Variants in GRM8 observed in about 807,000 individuals in gnomAD.
GRM8 encodes metabotropic glutamate receptor 8.
GRM8 carries 47 observed loss-of-function variants against 87.2 expected under a neutral mutation model. The observed-to-expected ratio is 0.54, with a 90% CI of 0.43 to 0.69. The LOEUF (loss-of-function observed/expected upper bound fraction) is 0.69. Ranked by LOEUF, GRM8 falls within the 30% of genes least tolerant of loss-of-function variation. The pLI is 0.00. For synonymous variants in GRM8, 396 were observed against 404.5 expected, an observed-to-expected ratio of 0.98 and a Z score of 0.25; for missense variants, 1,019 against 1,139.2, an observed-to-expected ratio of 0.89 and a Z score of 1.52.
intron 7 of GRM8, among the ~76,000 whole-genome samples, chr7:126,728,546 G>T (rs1813257469): frequency 6.6e-6 from 1 of 152,086 alleles, no homozygotes; most frequent in African/African-American, 2.4e-5. Context: ...TCTCAGAAAA[G>T]CAGCATACCC....
intron 7 of GRM8, among the ~76,000 whole-genome samples, chr7:126,753,653 T>C (rs1187178712): frequency 6.6e-6 from 1 of 151,818 alleles, no homozygotes; most frequent in Admixed American, 6.6e-5. Flanking sequence ...AGGTACTTAT[T>C]AGGAGCTTAT....
chr7:126,764,462 T>C (rs982235443), intron 7 of GRM8, among the ~76,000 whole-genome samples: 1 of 152,122 alleles, frequency 6.6e-6, no homozygotes, highest in African/African-American at 2.4e-5. Flanking sequence ...AATGTTAAAC[T>C]ATAATTATTC....
At chr7:127,170,542 C>T (rs1793733868) in intron 2 of GRM8, among the ~76,000 whole-genome samples, 1 of 152,162 alleles carries the variant, frequency 6.6e-6, no homozygotes, top group Non-Finnish European at 1.5e-5. Context: ...CTTTCACATG[C>T]ATGTATACAG....
chr7:126,994,881 A>G lies in GRM8; in HGVS notation c.728-90198T>C, dbSNP rs192930296. ...CCCCACCTACTGATTGTAGATCCCT[A>G]GAATCTTGAGAGAATATAGGTCGTA... On this transcript the variant is annotated intron_variant, in intron 3 of 10. Transcript: ENST00000339582. Among the ~76,000 whole-genome samples, 711 of 152,228 alleles carry G rather than the reference A, an allele frequency of 4.7e-3. 4 individuals carry two copies. Among genetic ancestry groups the G allele is most frequent in the South Asian group, 0.018 (87 of 4,818 alleles).
At chr7:126,965,609 A>G (rs958821528) in intron 3 of GRM8, among the ~76,000 whole-genome samples, 82 of 152,228 alleles carry the variant, frequency 5.4e-4, no homozygotes, top group African/African-American at 1.9e-3. Context: ...TATCACTTTA[A>G]TATGTAATAA....
intron 6 of GRM8, among the ~76,000 whole-genome samples, chr7:126,890,209 T>C (rs887020877): frequency 6.6e-6 from 1 of 152,112 alleles, no homozygotes; most frequent in Non-Finnish European, 1.5e-5. Flanking sequence ...CTCAGAAAGT[T>C]CTATTAGATA....
intron 8 of GRM8, among the ~76,000 whole-genome samples, chr7:126,582,830 G>T (rs1419079785): frequency 1.3e-5 from 2 of 152,066 alleles, no homozygotes; most frequent in South Asian, 2.1e-4. Context: ...CATGTATGTT[G>T]GTTTACAACA....
intron 6 of GRM8, among the ~76,000 whole-genome samples, chr7:126,808,922 C>T (rs888833244): frequency 6.6e-6 from 1 of 152,150 alleles, no homozygotes; most frequent in African/African-American, 2.4e-5. Flanking sequence ...TAACAAATTA[C>T]CACAAACATA....
intron 3 of GRM8, among the ~76,000 whole-genome samples, chr7:126,973,519 A>G (rs913362036): frequency 6.6e-6 from 1 of 152,214 alleles, no homozygotes; most frequent in African/African-American, 2.4e-5. Context: ...GGCAAGAGAG[A>G]AACCAATGAA....
chr7:126,700,908 G>A (rs1431192540), intron 7 of GRM8, among the ~76,000 whole-genome samples: 2 of 151,938 alleles, frequency 1.3e-5, no homozygotes, highest in African/African-American at 4.8e-5. Flanking sequence ...ATTGCATCCT[G>A]ATAAAGAACA....
chr7:127,117,476 T>G (rs1303194452), intron 2 of GRM8, among the ~76,000 whole-genome samples: 1 of 152,194 alleles, frequency 6.6e-6, no homozygotes, highest in Non-Finnish European at 1.5e-5. Context: ...TGGAAAAGTT[T>G]TCAAGCAGTT....
intron 3 of GRM8, among the ~76,000 whole-genome samples, chr7:127,056,484 T>C (rs115720269): frequency 1.3e-3 from 198 of 152,308 alleles, no homozygotes; most frequent in African/African-American, 4.6e-3. Flanking sequence ...AATGATCTAC[T>C]GTCAATGTCT....
intron 7 of GRM8, among the ~76,000 whole-genome samples, chr7:126,742,850 T>C (rs977462295): frequency 6.6e-5 from 10 of 152,128 alleles, no homozygotes; most frequent in African/African-American, 2.2e-4. Flanking sequence ...CACTAGTTAA[T>C]TCTGATGTAT....
intron 2 of GRM8, among the ~76,000 whole-genome samples, chr7:127,107,830 C>T (rs1388263162): frequency 6.6e-6 from 1 of 152,178 alleles, no homozygotes; most frequent in African/African-American, 2.4e-5. Context: ...TCTAGAGAGT[C>T]CTGTTCCCTA....
intron 6 of GRM8, among the ~76,000 whole-genome samples, chr7:126,818,918 A>G (rs1347700597): frequency 6.6e-6 from 1 of 152,140 alleles, no homozygotes; most frequent in East Asian, 1.9e-4. Flanking sequence ...TGGAATATCA[A>G]TCAATTAGGG....
intron 8 of GRM8, among the ~76,000 whole-genome samples, chr7:126,602,491 G>T: frequency 7.3e-6 from 1 of 137,484 alleles, no homozygotes; most frequent in Non-Finnish European, 1.6e-5. Context: ...TAGCTTGATG[G>T]GGATGGCATT....
At chr7:127,138,117 T>C (rs1223808721) in intron 2 of GRM8, among the ~76,000 whole-genome samples, 2 of 152,150 alleles carry the variant, frequency 1.3e-5, no homozygotes, top group Admixed American at 6.5e-5. Context: ...ACAAAGAATG[T>C]TGAAAACAGA....
chr7:126,679,441 C>G (rs2151327810), intron 7 of GRM8, among the ~76,000 whole-genome samples: 1 of 152,136 alleles, frequency 6.6e-6, no homozygotes, highest in Non-Finnish European at 1.5e-5. Context: ...CTATAAAGAC[C>G]TTTTAGTATA....
chr7:126,908,868 A>T lies in GRM8; in HGVS notation c.728-4185T>A, dbSNP rs1802979334. Reference sequence around the variant, plus strand: ...AATGCTTGTAGAGAACCTGTTCCACATGGCATTGTGCTGTTTGGTGCCTGT... The same window carrying T: ...AATGCTTGTAGAGAACCTGTTCCACTTGGCATTGTGCTGTTTGGTGCCTGT... On this transcript the variant is annotated intron_variant, in intron 3 of 10. Coordinates refer to ENST00000339582, the MANE Select transcript of GRM8 (RefSeq NM_000845.3). Among the ~76,000 whole-genome samples the T allele has an allele frequency of 1.3e-5, 2 of 152,232 alleles. 1 individual carries two copies. The highest frequency in any genetic ancestry group is 2.9e-5 in the Non-Finnish European group (2 of 68,030).
Sources: allele counts gnomAD v4.1 joint callset (sites outside exome capture counted in the v4.1 genomes callset), GRCh38; gene constraint gnomAD v4.1.1; transcripts MANE v1.5; gene names NCBI Gene and HGNC (gene_info 2026-07-23, HGNC 2026-07-21).